Variants in KLF17 observed in about 807,000 individuals in gnomAD.
KLF17 encodes the protein Krueppel-like factor 17.
Under a neutral mutation model 34.2 loss-of-function variants are expected in KLF17, and 31 were observed. The observed-to-expected ratio is 0.91, with a 90% CI of 0.68 to 1.22. The LOEUF is 1.22. Among genes scored for constraint, KLF17 ranks in the 50% most tolerant of loss-of-function variants. The probability of loss-of-function intolerance (pLI) is 0.00; values close to 1 mark genes in which losing one functional copy is unlikely to be tolerated. For missense variants in KLF17, 478 were observed against 505.2 expected (o/e 0.95, Z 0.52); for synonymous variants, 179 against 186.7 (o/e 0.96, Z 0.34).
the KLF17 span, among the ~76,000 whole-genome samples, chr1:44,087,645 A>G: frequency 1.3e-5 from 2 of 148,352 alleles, no homozygotes. Context: ...GGCTTGTGAC[A>G]TCTGCCTTCT....
At chr1:44,127,682 C>CTTTCT (rs1557731975) in intron 1 of KLF17, among the ~76,000 whole-genome samples, 1 of 50,296 alleles carries the variant, frequency 2.0e-5, no homozygotes, top group African/African-American at 6.9e-5. Flanking sequence ...TTCTTTCTTT[C>CTTTCT]TTTCTTTCTT....
intron 1 of KLF17, among the ~76,000 whole-genome samples, chr1:44,127,676 T>C (rs2088034736): frequency 1.6e-5 from 1 of 61,952 alleles, no homozygotes; most frequent in Non-Finnish European, 3.4e-5. Context: ...CTTTCTTTCT[T>C]TCTTTCTTTC....
chr1:44,083,780 C>T, the KLF17 span, among the ~76,000 whole-genome samples: 1 of 123,514 alleles, frequency 8.1e-6, no homozygotes, highest in Admixed American at 1.1e-4. Context: ...GGAGACACAG[C>T]GAGACTCTGT....
At chr1:44,054,514 T>C in the KLF17 span, among the ~76,000 whole-genome samples, 2 of 138,620 alleles carry the variant, frequency 1.4e-5, 1 homozygote, top group Middle Eastern at 7.5e-3. Context: ...AGAGTCTTGC[T>C]CTGTCGCCCG....
chr1:44,119,882 T>A (rs1308573866), intron 1 of KLF17, among the ~76,000 whole-genome samples: 1 of 152,210 alleles, frequency 6.6e-6, no homozygotes, highest in Non-Finnish European at 1.5e-5. Flanking sequence ...AGGAGTGCCC[T>A]GGTGGATGTG....
the KLF17 span, among the ~76,000 whole-genome samples, chr1:44,109,812 T>C: frequency 6.6e-6 from 1 of 151,820 alleles, no homozygotes; most frequent in Admixed American, 6.6e-5. Flanking sequence ...CTATCTATTA[T>C]ATACAAACAT....
At chr1:44,120,926 G>A (rs1266734523) in intron 1 of KLF17, among the ~76,000 whole-genome samples, 2 of 152,144 alleles carry the variant, frequency 1.3e-5, no homozygotes, top group Non-Finnish European at 1.5e-5. Flanking sequence ...TTAGGCTGTG[G>A]TCCACAACGA....
rs145084649 is a variant in KLF17 at position 44,129,713 on chromosome 1, G to A, written c.442G>A (p.Gly148Ser). Residue 148 changes from glycine (G) to serine (S), a missense_variant, in exon 2 of 4, where the codon GGT (glycine) becomes AGT (serine). By Grantham distance (56) the Gly-to-Ser change is moderately conservative. Coordinates refer to ENST00000372299, the MANE Select transcript of KLF17 (RefSeq NM_173484.4). ...TATTCCAAGGGTAGCCAGGCCCTTCGGTGGGAATCTAAGGATGCCCCCCAA... is the reference window on the plus strand; with the variant it reads ...TATTCCAAGGGTAGCCAGGCCCTTCAGTGGGAATCTAAGGATGCCCCCCAA... ...PNIPRVARPF[G>S]GNLRMPPNGL... 1.7e-5 allele frequency: 27 copies of A among 1,614,010 alleles called. No individual in the cohort carries two copies. Among genetic ancestry groups the A allele is most frequent in the Middle Eastern group, 3.3e-4 (2 of 6,084 alleles).
At chr1:44,103,459 C>A in the KLF17 span, 3 of 836,994 alleles carry the variant, frequency 3.6e-6, no homozygotes, top group African/African-American at 5.0e-5. Context: ...GAGCCCAGAC[C>A]GTAGCTGAGG....
the KLF17 span, chr1:44,103,485 C>A: frequency 8.4e-6 from 8 of 955,156 alleles, no homozygotes; most frequent in South Asian, 1.0e-4. Flanking sequence ...GCTCGTGAGG[C>A]CCCCATAGGC....
At chr1:44,079,382 G>A in the KLF17 span, among the ~76,000 whole-genome samples, 1 of 148,080 alleles carries the variant, frequency 6.8e-6, no homozygotes, top group African/African-American at 2.5e-5. Context: ...GTTCAGCCTC[G>A]ACCTCCTGGG....
At chr1:44,090,306 C>CAAAAAAAAAAAAAAAAAAAAAAAAAAA in the KLF17 span, among the ~76,000 whole-genome samples, 1 of 23,410 alleles carries the variant, frequency 4.3e-5, no homozygotes, top group Non-Finnish European at 7.0e-5. Context: ...CTTGTCTCTA[C>CAAAAAAAAAAAAAAAAAAAAAAAAAAA]AAAAAAAAAA....
At chr1:44,104,085 T>A in the KLF17 span, 271 of 932,544 alleles carry the variant, frequency 2.9e-4, no homozygotes, top group African/African-American at 3.8e-3. Context: ...CCGGATCTTC[T>A]CTTCATACAG....
chr1:44,060,855 A>G, the KLF17 span, among the ~76,000 whole-genome samples: 1 of 152,234 alleles, frequency 6.6e-6, no homozygotes, highest in South Asian at 2.1e-4. Flanking sequence ...AACAAGGTAG[A>G]GTCTGTGCAG....
chr1:44,120,651 T>A (rs1401322350), intron 1 of KLF17, among the ~76,000 whole-genome samples: 2 of 152,078 alleles, frequency 1.3e-5, no homozygotes, highest in African/African-American at 4.8e-5. Flanking sequence ...AAAGTAGTGG[T>A]GAAGGCATGT....
the KLF17 span, among the ~76,000 whole-genome samples, chr1:44,089,153 G>T: frequency 6.6e-6 from 1 of 152,074 alleles, no homozygotes; most frequent in Admixed American, 6.6e-5. Flanking sequence ...TGTGTTGGGG[G>T]AAAAATGCAG....
At chr1:44,078,578 T>C in the KLF17 span, among the ~76,000 whole-genome samples, 4 of 151,956 alleles carry the variant, frequency 2.6e-5, no homozygotes, top group African/African-American at 9.7e-5. Context: ...GCTGGGACTA[T>C]AGGTGCGTGC....
At chr1:44,053,979 T>A in the KLF17 span, among the ~76,000 whole-genome samples, 2 of 152,300 alleles carry the variant, frequency 1.3e-5, no homozygotes, top group East Asian at 3.9e-4. Flanking sequence ...GTTCTCAAGA[T>A]CTTAAATGCA....
At chr1:44,090,956 G>T in the KLF17 span, among the ~76,000 whole-genome samples, 2 of 127,136 alleles carry the variant, frequency 1.6e-5, no homozygotes, top group African/African-American at 2.8e-5. Context: ...ACACACGCAC[G>T]CATGCACACA....
Sources: gnomAD v4.1 joint callset for allele counts (sites outside exome capture counted in the v4.1 genomes callset) on GRCh38, gnomAD v4.1.1 for gene constraint, MANE v1.5 for transcripts, NCBI Gene and HGNC (gene_info 2026-07-23, HGNC 2026-07-21) for gene names.